The following RUVBL1 variants were observed in gnomAD, a reference collection of about 807,000 sequenced individuals.
RUVBL1 encodes the protein ruvB-like 1.
In RUVBL1, 4 loss-of-function variants were observed where a neutral mutation model predicts 52.4. The ratio of observed to expected loss-of-function variants is 0.08; its 90% confidence interval spans 0.04 to 0.17. The LOEUF (loss-of-function observed/expected upper bound fraction) is 0.17, where lower values mean the gene tolerates loss of function less well. Ranked by LOEUF, RUVBL1 falls within the 10% of genes least tolerant of loss-of-function variation. RUVBL1 has a pLI of 1.00. For synonymous variants in RUVBL1, 217 were observed against 214.4 expected, an observed-to-expected ratio of 1.01 and a Z score of -0.10; for missense variants, 298 against 572.8, an observed-to-expected ratio of 0.52 and a Z score of 4.90.
chr3:128,151,217 GTATA>G (rs1944206416), intron 1 of RUVBL1, among the ~76,000 whole-genome samples: 1 of 130,456 alleles, frequency 7.7e-6, no homozygotes, highest in African/African-American at 2.9e-5. Context: ...TATATACACT[GTATA>G]TATTCTATAT....
intron 7 of RUVBL1, among the ~76,000 whole-genome samples, chr3:128,098,654 G>T (rs1216628618): frequency 3.3e-5 from 5 of 152,174 alleles, no homozygotes; most frequent in African/African-American, 7.2e-5. Context: ...GGGCCTCATA[G>T]GGGCCAGAAA....
intron 4 of RUVBL1, among the ~76,000 whole-genome samples, chr3:128,102,577 AG>A (rs1239171557): frequency 6.6e-6 from 1 of 152,280 alleles, no homozygotes; most frequent in Non-Finnish European, 1.5e-5. Flanking sequence ...ACTTGGTGAA[AG>A]AAGCCAGATA....
chr3:128,151,483 G>A (rs893160977), intron 1 of RUVBL1, among the ~76,000 whole-genome samples: 1 of 151,694 alleles, frequency 6.6e-6, no homozygotes, highest in East Asian at 1.9e-4. Flanking sequence ...TTTCTCAGAG[G>A]TACATAAAGC....
intron 4 of RUVBL1, 115 bp from the exon 5 acceptor site, chr3:128,101,763 C>T: frequency 6.8e-6 from 7 of 1,036,622 alleles, no homozygotes; most frequent in South Asian, 5.4e-5. Context: ...TGGAGAAAGC[C>T]TGTTTTGCGT....
exon 10 of RUVBL1, chr3:128,065,083 A>G (rs767855319): frequency 1.1e-5 from 18 of 1,597,540 alleles, no homozygotes; most frequent in Non-Finnish European, 1.4e-5. Context: ...TCTGGATTTA[A>G]GTTTCAGAAT....
At chr3:128,135,497 C>T (rs1336367996) in intron 1 of RUVBL1, among the ~76,000 whole-genome samples, 1 of 152,222 alleles carries the variant, frequency 6.6e-6, no homozygotes, top group East Asian at 1.9e-4. Flanking sequence ...TGTGCCATTG[C>T]ACTCCAGCCT....
downstream of RUVBL1, among the ~76,000 whole-genome samples, chr3:128,077,679 G>C (rs1942372796): frequency 6.6e-6 from 1 of 152,252 alleles, no homozygotes; most frequent in Non-Finnish European, 1.5e-5. Context: ...TACCCCCTCT[G>C]CTCTTGGGCT....
At chr3:128,087,936 G>A in intron 8 of RUVBL1, 128 bp from the exon 9 acceptor site, 1 of 662,290 alleles carries the variant, frequency 1.5e-6, no homozygotes, top group Admixed American at 2.5e-5. Flanking sequence ...GCCAGGACCA[G>A]AGTAAACAGA....
Position 128,113,876 on chromosome 3 carries a change from C to T in RUVBL1, c.229-856G>A, listed in dbSNP as rs76813741. On this transcript the variant is annotated intron_variant, in intron 2 of 10. Transcript: ENST00000322623. ...ATACAGGAAAACACCAATCTACAAC[C>T]CATCAGAAATAATGAAGGAATGAAT... Among the ~76,000 whole-genome samples, 3,448 of 152,236 alleles carry T rather than the reference C, an allele frequency of 0.023. 398 individuals carry two copies. In the East Asian group the frequency reaches 0.35, roughly 15 times the overall value.
At chr3:128,087,611 G>C in intron 9 of RUVBL1, 95 bp downstream of exon 9, 1 of 924,992 alleles carries the variant, frequency 1.1e-6, no homozygotes, top group South Asian at 1.6e-5. Flanking sequence ...GTGAATGGCA[G>C]CCAGATCCAA....
chr3:128,097,507 T>C lies in RUVBL1; in HGVS notation c.818-9A>G, dbSNP rs1559814795. 1.9e-6 allele frequency: 3 copies of C among 1,613,936 alleles called. No homozygotes were observed. Among genetic ancestry groups the C allele is most frequent in the Admixed American group, 1.7e-5 (1 of 60,014 alleles). On this transcript the variant is annotated splice_polypyrimidine_tract_variant and intron_variant, in intron 7 of 10. Coordinates refer to ENST00000322623, the MANE Select transcript of RUVBL1 (RefSeq NM_003707.3). ...CTCCCCTCGAAGTTTGTCTAGGAGA[T>C]GCAAGGATGGGCAGGCAAGGTCAGC...
At chr3:128,089,372 T>TG (rs200015518) in intron 8 of RUVBL1, among the ~76,000 whole-genome samples, 1 of 152,234 alleles carries the variant, frequency 6.6e-6, no homozygotes. Context: ...CCTTGGCCTC[T>TG]GGGGGTCCTA....
chr3:128,085,909 C>T (rs866888138), intron 9 of RUVBL1, among the ~76,000 whole-genome samples: 1 of 152,196 alleles, frequency 6.6e-6, no homozygotes, highest in Non-Finnish European at 1.5e-5. Flanking sequence ...CACGGGTTTC[C>T]GGATCAGAAA....
At chr3:128,069,586 C>T in intron 9 of RUVBL1, 3 of 1,614,126 alleles carry the variant, frequency 1.9e-6, no homozygotes, top group Non-Finnish European at 2.5e-6. Context: ...CTCGCAGTCA[C>T]AATCATCTAC....
chr3:128,127,639 G>T (rs757867247), upstream of RUVBL1, among the ~76,000 whole-genome samples: 1 of 152,158 alleles, frequency 6.6e-6, no homozygotes, highest in Non-Finnish European at 1.5e-5. Flanking sequence ...ACCCAGTGGT[G>T]CCCTGTAACC....
intron 1 of RUVBL1, among the ~76,000 whole-genome samples, chr3:128,150,895 T>C (rs1576495649): frequency 1.2e-5 from 1 of 86,018 alleles, no homozygotes; most frequent in Non-Finnish European, 2.0e-5. Context: ...ATATATTCTA[T>C]ATATATAATA....
At chr3:128,146,873 C>G (rs1161744084) in intron 1 of RUVBL1, among the ~76,000 whole-genome samples, 1 of 152,222 alleles carries the variant, frequency 6.6e-6, no homozygotes, top group African/African-American at 2.4e-5. Context: ...GTGCATGGCC[C>G]CATTTGCCTG....
chr3:128,118,665 C>T (rs34545799), intron 2 of RUVBL1, among the ~76,000 whole-genome samples: 21,538 of 152,206 alleles, frequency 0.14, 1,725 homozygotes, highest in African/African-American at 0.21. Flanking sequence ...AGGCCCTTAT[C>T]TTCCCTGCAA....
upstream of RUVBL1, among the ~76,000 whole-genome samples, chr3:128,128,017 T>C (rs1943819282): frequency 6.6e-6 from 1 of 150,596 alleles, no homozygotes; most frequent in South Asian, 2.1e-4. Context: ...AATACATACA[T>C]ACATACATAC....
Sources: gnomAD v4.1 joint callset for allele counts (sites outside exome capture counted in the v4.1 genomes callset) on GRCh38, gnomAD v4.1.1 for gene constraint, MANE v1.5 for transcripts, NCBI Gene and HGNC (gene_info 2026-07-23, HGNC 2026-07-21) for gene names.